Variants in EZH1 observed in about 807,000 individuals in gnomAD.
EZH1 encodes enhancer of zeste 1 polycomb repressive complex 2 subunit, also known as histone-lysine N-methyltransferase EZH1.
A neutral mutation model predicts 100.5 loss-of-function variants in EZH1; 33 were observed. The ratio of observed to expected loss-of-function variants is 0.33; its 90% CI spans 0.25 to 0.44. EZH1 has a LOEUF of 0.44. Among genes scored for constraint, EZH1 ranks in the 20% least tolerant of loss-of-function variants. EZH1 has a pLI of 1.00. For synonymous variants in EZH1, 272 were observed against 313.8 expected, an observed-to-expected ratio of 0.87 and a Z score of 1.41; for missense variants, 475 against 928.4, an observed-to-expected ratio of 0.51 and a Z score of 6.35.
At position 42,720,956 on chromosome 17, in the gene EZH1, C is replaced by T. The variant is rs2053695076; in HGVS notation, c.488-507G>A. Among the ~76,000 whole-genome samples, 7 of 152,208 alleles carry T rather than the reference C, an allele frequency of 4.6e-5. No individual in the cohort carries two copies. In the South Asian group the frequency reaches 1.4e-3, roughly 32 times the overall value. ...GTGACCCACCGTGCCCAGCCATAGG[C>T]TTTATTCTTACTGAAGAACTTCACT... is the stretch of plus-strand genomic sequence containing the variant. On this transcript the variant is annotated intron_variant, in intron 6 of 20. Transcript: ENST00000428826.
intron 19 of EZH1, 193 bp downstream of exon 19, chr17:42,703,546 GT>G: frequency 1.7e-6 from 1 of 588,086 alleles, no homozygotes; most frequent in Non-Finnish European, 3.1e-6. Flanking sequence ...GTGGGAAAGT[GT>G]TTATAATGTA....
chr17:42,712,883 T>C (rs572946602), intron 11 of EZH1, among the ~76,000 whole-genome samples: 40 of 151,856 alleles, frequency 2.6e-4, no homozygotes, highest in African/African-American at 8.0e-4. Context: ...ACTAAAAATA[T>C]AAAAATTAGC....
chr17:42,725,965 G>A (rs527707459), intron 4 of EZH1, among the ~76,000 whole-genome samples: 23 of 151,182 alleles, frequency 1.5e-4, no homozygotes, highest in Non-Finnish European at 2.5e-4. Flanking sequence ...TGCAACCTCC[G>A]CCTCCCAGGT....
intron 10 of EZH1, 90 bp downstream of exon 10, chr17:42,717,886 C>T: frequency 8.8e-7 from 1 of 1,141,260 alleles, no homozygotes; most frequent in Non-Finnish European, 1.3e-6. Flanking sequence ...TTTATTTGTG[C>T]TATATGACCC....
intron 1 of EZH1, among the ~76,000 whole-genome samples, chr17:42,735,480 T>G (rs2054048041): frequency 6.6e-6 from 1 of 152,252 alleles, no homozygotes; most frequent in Admixed American, 6.6e-5. Context: ...AAAAATACTT[T>G]ATATTTCTAC....
chr17:42,706,065 T>G lies in EZH1; in HGVS notation c.1781A>C (p.His594Pro), dbSNP rs1319563348. 2 of 1,614,036 alleles carry G rather than the reference T, an allele frequency of 1.2e-6. No individual in the cohort carries two copies. The highest frequency in any genetic ancestry group is 3.3e-5 in the Admixed American group (2 of 60,010). Residue 594 changes from histidine (H) to proline (P), a missense_variant, in exon 16 of 21, where the codon CAC becomes CCC. Around this residue, in one of 8 missense-constraint regions of EZH1, gnomAD observed 23 missense variants for 31.9 expected, o/e 0.72. Coordinates refer to ENST00000428826, the MANE Select transcript of EZH1 (RefSeq NM_001991.5). The surrounding 1 kb of genome is among the most constrained non-coding windows in gnomAD (Gnocchi z 4.4). ...ACAGGAAACCACCTTGCAGTCCCAG[T>G]GCTCTGAGGCCCCACAGGTGAGACA... Reference protein sequence around the residue: ...DLCLTCGASEHWDCKVVSCKN... With the variant: ...DLCLTCGASEPWDCKVVSCKN...
intron 1 of EZH1, among the ~76,000 whole-genome samples, chr17:42,735,640 A>AATATTTATAT (rs1316976022): frequency 1.3e-5 from 2 of 152,198 alleles, no homozygotes; most frequent in Non-Finnish European, 2.9e-5. Context: ...GAAATTAAAA[A>AATATTTATAT]ATATTTATAT....
chr17:42,731,884 G>C (rs2053957259), intron 1 of EZH1: 1 of 152,460 alleles, frequency 6.6e-6, no homozygotes, highest in Admixed American at 6.6e-5. Flanking sequence ...TGGGCAACAA[G>C]AGTGAGACTC....
chr17:42,704,337 G>A (rs931711097), intron 18 of EZH1, among the ~76,000 whole-genome samples: 1 of 152,084 alleles, frequency 6.6e-6, no homozygotes, highest in Non-Finnish European at 1.5e-5. Flanking sequence ...CCAGGAGTTC[G>A]ATACCAGCCT....
intron 1 of EZH1, among the ~76,000 whole-genome samples, chr17:42,742,550 A>G (rs1597874772): frequency 6.6e-6 from 1 of 152,222 alleles, no homozygotes; most frequent in Non-Finnish European, 1.5e-5. Flanking sequence ...CGATTAGCAT[A>G]CAAGTACTCT....
intron 18 of EZH1, 132 bp from the exon 19 acceptor site, chr17:42,703,952 A>T (rs923629678): frequency 1.7e-5 from 12 of 717,576 alleles, no homozygotes; most frequent in Non-Finnish European, 3.0e-5. Flanking sequence ...CCAGTGTGCT[A>T]ACAGGAGCAG....
At chr17:42,733,640 C>CAA (rs1283971078) in intron 1 of EZH1, among the ~76,000 whole-genome samples, 19 of 48,268 alleles carry the variant, frequency 3.9e-4, no homozygotes, top group African/African-American at 9.3e-4. Context: ...GACTCCATCT[C>CAA]AAAAAAAAAA....
At chr17:42,710,226 T>G (rs536793414) in intron 12 of EZH1, among the ~76,000 whole-genome samples, 2 of 152,058 alleles carry the variant, frequency 1.3e-5, no homozygotes, top group East Asian at 3.9e-4. Context: ...GGTAGAAGAG[T>G]GGGCTGACTG....
At chr17:42,705,246 A>C in intron 16 of EZH1, 63 bp from the exon 17 acceptor site, 5 of 727,856 alleles carry the variant, frequency 6.9e-6, no homozygotes, top group East Asian at 2.9e-5. Flanking sequence ...TGTGTGCTGG[A>C]TGTGCACATG....
Position 42,708,892 on chromosome 17 carries a change from C to G in EZH1, c.1518G>C (p.Lys506Asn). Reference sequence around the variant, plus strand: ...AGAACTTACCTTTCTTCAGCTGAATCTTCCTGCAGTGTGCAGCCCACAATC... The same window carrying G: ...AGAACTTACCTTTCTTCAGCTGAATGTTCCTGCAGTGTGCAGCCCACAATC... ...KHRLWAAHCR[K>N]IQLKKDNSST... The change falls in exon 14 of 21, where the codon AAG (lysine) becomes AAC (asparagine). Residue 506 changes from lysine to asparagine, a missense_variant. Coordinates refer to ENST00000428826, the MANE Select transcript of EZH1 (RefSeq NM_001991.5). The G allele has an allele frequency of 6.2e-7, 1 of 1,614,198 alleles. No individual in the cohort carries two copies. Among genetic ancestry groups the G allele is most frequent in the Non-Finnish European group, 8.5e-7 (1 of 1,180,046 alleles).
intron 2 of EZH1, among the ~76,000 whole-genome samples, chr17:42,729,858 T>C (rs1162397594): frequency 1.3e-5 from 2 of 151,978 alleles, no homozygotes; most frequent in Non-Finnish European, 2.9e-5. Flanking sequence ...GCCAAGATGC[T>C]GAAACCCCGT....
rs199624809 is a variant in EZH1 at position 42,713,312 on chromosome 17, T to A, written c.1101A>T (p.Ile367=). 2.6e-5 allele frequency: 42 copies of A among 1,613,526 alleles called. No homozygotes were observed. The East Asian group carries it at 7.4e-4, about 28-fold the overall frequency. Residue 367 remains isoleucine (I), a synonymous_variant, in exon 11 of 21, where the codon ATA becomes ATT. Coordinates refer to ENST00000428826, the MANE Select transcript of EZH1 (RefSeq NM_001991.5). ...CSGRRRRRHH[I]VSASCSNASA... Reference sequence around the variant, plus strand: ...AGGCATTGGAGCAGGAAGCACTGACTATGTGGTGCCTTCTCCGGCGACGAC... The same window carrying A: ...AGGCATTGGAGCAGGAAGCACTGACAATGTGGTGCCTTCTCCGGCGACGAC...
chr17:42,708,746 T>C (rs1443690630), intron 14 of EZH1, 130 bp downstream of exon 14: 52 of 948,082 alleles, frequency 5.5e-5, no homozygotes, highest in Non-Finnish European at 7.5e-5. Flanking sequence ...TGTTCTCAGT[T>C]GCTGCAGAGA....
chr17:42,702,529 G>A lies in EZH1; in HGVS notation c.*3C>T, dbSNP rs1456067736. On this transcript the variant is annotated 3_prime_UTR_variant, in exon 21 of 21. Transcript: ENST00000428826. The stretch of plus-strand genomic sequence containing the variant: ...ATAAGTGCTGCCGTGGGGCCTGGGA[G>A]GGCTAAAGGACGTCGGTCTCCCTCT... 3.8e-6 allele frequency: 6 copies of A among 1,558,454 alleles called. No individual in the cohort carries two copies. The highest frequency in any genetic ancestry group is 4.4e-6 in the Non-Finnish European group (5 of 1,149,272).
Sources: gnomAD v4.1 joint callset for allele counts (sites outside exome capture counted in the v4.1 genomes callset) on GRCh38, gnomAD v4.1.1 for gene constraint, gnomAD v4.1.1 regional missense constraint, Gnocchi (gnomAD v3.1) non-coding constraint, MANE v1.5 for transcripts, NCBI Gene and HGNC (gene_info 2026-07-23, HGNC 2026-07-21) for gene names.